The following NTRK2 variants were observed in gnomAD, a reference collection of about 807,000 sequenced individuals.
The protein encoded by NTRK2 is BDNF/NT-3 growth factors receptor.
Under a neutral mutation model 94.5 loss-of-function variants are expected in NTRK2, and 13 were observed. That is an observed-to-expected ratio of 0.14 (90% CI 0.09 to 0.22). NTRK2 has a LOEUF of 0.22. Ranked by LOEUF, NTRK2 falls within the 10% of genes least tolerant of loss-of-function variation. The probability of loss-of-function intolerance (pLI) is 1.00; values close to 1 mark genes in which losing one functional copy is unlikely to be tolerated. For missense variants in NTRK2, 639 were observed against 1,071.2 expected, an observed-to-expected ratio of 0.60 and a Z score of 5.63; for synonymous variants, 372 against 407.4, an observed-to-expected ratio of 0.91 and a Z score of 1.05.
intron 12 of NTRK2, among the ~76,000 whole-genome samples, chr9:84,768,486 T>C (rs946440341): frequency 6.6e-6 from 1 of 152,144 alleles, no homozygotes; most frequent in African/African-American, 2.4e-5. Flanking sequence ...TCTGAACCCC[T>C]GAGATGGAAA....
chr9:84,861,267 T>C (rs1351917290), intron 13 of NTRK2, among the ~76,000 whole-genome samples, 180 bp downstream of exon 13: 4 of 152,258 alleles, frequency 2.6e-5, no homozygotes, highest in Non-Finnish European at 5.9e-5. Flanking sequence ...CTGTTGTTAA[T>C]TGAGTTTAGT....
At chr9:84,793,737 A>G (rs896074186) in intron 12 of NTRK2, among the ~76,000 whole-genome samples, 7 of 152,238 alleles carry the variant, frequency 4.6e-5, no homozygotes, top group Admixed American at 1.3e-4. Flanking sequence ...GGGAGGGAAG[A>G]ACAAATAATT....
At chr9:84,771,859 A>AG (rs2066578884) in intron 12 of NTRK2, among the ~76,000 whole-genome samples, 2 of 152,318 alleles carry the variant, frequency 1.3e-5, no homozygotes, top group South Asian at 4.1e-4. Context: ...TAACCATCTG[A>AG]GGGCCACTTC....
At chr9:84,956,050 G>T (rs538306803) in intron 17 of NTRK2, among the ~76,000 whole-genome samples, 4 of 152,234 alleles carry the variant, frequency 2.6e-5, no homozygotes, top group Non-Finnish European at 5.9e-5. Flanking sequence ...AGAGAAAACT[G>T]AGGGCCTGGG....
intron 13 of NTRK2, among the ~76,000 whole-genome samples, chr9:84,863,518 T>A (rs911990289): frequency 2.6e-5 from 4 of 152,232 alleles, no homozygotes; most frequent in African/African-American, 7.2e-5. Flanking sequence ...TCTGTCTTTT[T>A]CATGGTGCCT....
chr9:84,715,647 T>C (rs1164719669), intron 6 of NTRK2, among the ~76,000 whole-genome samples: 6 of 152,206 alleles, frequency 3.9e-5, no homozygotes, highest in African/African-American at 1.4e-4. Context: ...TTCTGAAGAC[T>C]GAAACAGAAT....
At chr9:84,768,886 T>G (rs1936434) in intron 12 of NTRK2, among the ~76,000 whole-genome samples, 101,869 of 152,046 alleles carry the variant, frequency 0.67, 34,654 homozygotes, top group East Asian at 0.74. Flanking sequence ...CAGGACTGGT[T>G]CTGAGGGCAG....
intron 12 of NTRK2, among the ~76,000 whole-genome samples, chr9:84,755,491 T>C (rs1033800399): frequency 4.0e-5 from 6 of 151,868 alleles, no homozygotes; most frequent in African/African-American, 1.5e-4. Context: ...ACCTGAGACT[T>C]TTCTAAGTTT....
chr9:84,942,808 C>A (rs1034102433), intron 15 of NTRK2, among the ~76,000 whole-genome samples: 1 of 151,860 alleles, frequency 6.6e-6, no homozygotes, highest in African/African-American at 2.4e-5. Flanking sequence ...TCAATTTGGA[C>A]TTGCCAAATT....
At chr9:84,998,896 G>A (rs112202623) in intron 17 of NTRK2, among the ~76,000 whole-genome samples, 2 of 152,204 alleles carry the variant, frequency 1.3e-5, no homozygotes, top group Admixed American at 6.5e-5. Flanking sequence ...ATGTGTGAAA[G>A]GTTGTCCCAA....
At chr9:84,739,044 T>G (rs1354254266) in intron 9 of NTRK2, among the ~76,000 whole-genome samples, 1 of 152,154 alleles carries the variant, frequency 6.6e-6, no homozygotes, top group East Asian at 1.9e-4. Flanking sequence ...TAAATTAAAT[T>G]AAATTAAATT....
rs111282369 is a variant in NTRK2 at position 84,824,991 on chromosome 9, GTTT to G, written c.1397-36036_1397-36034del. Among the ~76,000 whole-genome samples, 242 of 142,824 alleles carry G rather than the reference GTTT, an allele frequency of 1.7e-3. 2 individuals are homozygous for G. The highest frequency in any genetic ancestry group is 5.9e-3 in the African/African-American group (231 of 39,118). The allele number at this position is 142,824 out of a possible 152,430, so 93.7% of individuals were successfully genotyped here. On this transcript the variant is annotated intron_variant, in intron 12 of 18. Transcript: ENST00000277120. ...GTGGGTTCCAGAGGCAAAAAGATCA[GTTT>G]TTTTTTTTTTTTAACTGAGTTCATC... is the stretch of plus-strand genomic sequence containing the variant.
At chr9:84,734,534 C>G (rs940587596) in intron 9 of NTRK2, among the ~76,000 whole-genome samples, 1 of 152,222 alleles carries the variant, frequency 6.6e-6, no homozygotes, top group African/African-American at 2.4e-5. Context: ...CAAATCTCAT[C>G]TTGAATTGTA....
chr9:84,711,486 T>A (rs1358457157), intron 6 of NTRK2, among the ~76,000 whole-genome samples: 1 of 152,226 alleles, frequency 6.6e-6, no homozygotes, highest in African/African-American at 2.4e-5. Context: ...TTACTAGTCT[T>A]CAGTGATGTA....
At position 84,670,892 on chromosome 9, in the gene NTRK2, T is replaced by C. The variant is rs1330378026; in HGVS notation, c.144T>C (p.Pro48=). The change falls in exon 2 of 19, where the codon CCT becomes CCC. Residue 48 remains proline (P), a synonymous_variant. Transcript: ENST00000277120. Reference sequence around the variant, plus strand: ...CCTCTCGGATCTGGTGCAGCGACCCTTCTCCTGGCATCGTGGCATTTCCGA... The same window carrying C: ...CCTCTCGGATCTGGTGCAGCGACCCCTCTCCTGGCATCGTGGCATTTCCGA... ...CSASRIWCSD[P]SPGIVAFPRL... The C allele has an allele frequency of 2.5e-6, 4 of 1,612,768 alleles. No individual in the cohort carries two copies. The highest frequency in any genetic ancestry group is 1.7e-4 in the Middle Eastern group (1 of 6,060).
intron 17 of NTRK2, among the ~76,000 whole-genome samples, chr9:84,988,285 C>G (rs1294466402): frequency 6.6e-6 from 1 of 152,188 alleles, no homozygotes; most frequent in Non-Finnish European, 1.5e-5. Flanking sequence ...CAAGGAATTA[C>G]TTGGTGAGAG....
intron 5 of NTRK2, among the ~76,000 whole-genome samples, chr9:84,710,034 C>T (rs972939622): frequency 1.3e-5 from 2 of 151,748 alleles, no homozygotes; most frequent in African/African-American, 4.8e-5. Context: ...CTTTCAGGTT[C>T]TCTCTCTCAC....
At chr9:84,700,520 T>C (rs1189458087) in intron 2 of NTRK2, among the ~76,000 whole-genome samples, 1 of 152,192 alleles carries the variant, frequency 6.6e-6, no homozygotes, top group African/African-American at 2.4e-5. Flanking sequence ...AGGCTGGTTT[T>C]TTATGTAACA....
intron 2 of NTRK2, among the ~76,000 whole-genome samples, chr9:84,699,699 A>G (rs1318950976): frequency 1.3e-5 from 2 of 151,336 alleles, no homozygotes; most frequent in Admixed American, 1.3e-4. Flanking sequence ...TGCATTTCTA[A>G]ATTGAATTCC....
Sources: gnomAD v4.1 joint callset for allele counts (sites outside exome capture counted in the v4.1 genomes callset) on GRCh38, gnomAD v4.1.1 for gene constraint, MANE v1.5 for transcripts, NCBI Gene and HGNC (gene_info 2026-07-23, HGNC 2026-07-21) for gene names.